DLG2: variants seen among roughly 807,000 people sequenced by gnomAD.
The protein encoded by DLG2 is discs large MAGUK scaffold protein 2, also known as disks large homolog 2.
A neutral mutation model predicts 132.5 loss-of-function variants in DLG2; 45 were observed. The observed-to-expected ratio is 0.34, with a 90% CI of 0.27 to 0.44. The LOEUF (loss-of-function observed/expected upper bound fraction) is 0.44, where lower values mean the gene tolerates loss of function less well. Among genes scored for constraint, DLG2 ranks in the 20% least tolerant of loss-of-function variants. The pLI, the probability that DLG2 is intolerant of heterozygous loss-of-function variation, is 1.00. For synonymous variants in DLG2, 424 were observed against 419.6 expected (o/e 1.01, Z -0.13); for missense variants, 1,045 against 1,196.9 (o/e 0.87, Z 1.87).
intron 3 of DLG2, among the ~76,000 whole-genome samples, chr11:85,520,465 T>C (rs768163535): frequency 7.3e-5 from 11 of 151,508 alleles, no homozygotes; most frequent in South Asian, 2.1e-4. Flanking sequence ...AAAATACCAA[T>C]GGTATTCTTC....
At position 85,062,750 on chromosome 11, in the gene DLG2, C is replaced by T. The variant is rs557412915; in HGVS notation, c.357+48911G>A. 3.3e-5 allele frequency among the ~76,000 whole-genome samples: 5 copies of T among 151,676 alleles called. No homozygotes were observed. The South Asian group carries it at 1.0e-3, about 32-fold the overall frequency. On this transcript the variant is annotated intron_variant, in intron 6 of 27. Transcript: ENST00000376104. ...TAGTAAACTAACTGAAGAGGCAGAT[C>T]TGAAACTAAAATGGGCATTTTGCAT...
intron 15 of DLG2, among the ~76,000 whole-genome samples, chr11:83,918,592 C>A (rs1222250167): frequency 6.6e-6 from 1 of 152,172 alleles, no homozygotes; most frequent in Non-Finnish European, 1.5e-5. Flanking sequence ...TAGAGGCTGA[C>A]TTTATGAGTC....
chr11:84,267,212 G>A (rs917051628), intron 7 of DLG2, among the ~76,000 whole-genome samples: 2 of 133,616 alleles, frequency 1.5e-5, no homozygotes, highest in Admixed American at 1.6e-4. Context: ...TTGGTATTGT[G>A]ATGATTGCGT....
At chr11:84,318,533 T>C (rs867637970) in intron 7 of DLG2, among the ~76,000 whole-genome samples, 2 of 152,194 alleles carry the variant, frequency 1.3e-5, no homozygotes, top group African/African-American at 2.4e-5. Flanking sequence ...GCCTGATTTT[T>C]GCCTGAGCTG....
intron 5 of DLG2, among the ~76,000 whole-genome samples, chr11:85,138,297 T>G (rs1175627867): frequency 6.6e-6 from 1 of 152,098 alleles, no homozygotes; most frequent in Non-Finnish European, 1.5e-5. Context: ...CAATAAAAAT[T>G]GTGTCCCTAA....
At chr11:83,877,427 G>T (rs2065042715) in intron 15 of DLG2, among the ~76,000 whole-genome samples, 1 of 152,104 alleles carries the variant, frequency 6.6e-6, no homozygotes, top group South Asian at 2.1e-4. Context: ...ATAAGTAACT[G>T]TAATTTCTGA....
intron 10 of DLG2, among the ~76,000 whole-genome samples, chr11:84,072,076 AG>A (rs1368884960): frequency 6.6e-6 from 1 of 152,194 alleles, no homozygotes; most frequent in Non-Finnish European, 1.5e-5. Flanking sequence ...ATGCACATAA[AG>A]GCTTCTTATG....
At chr11:83,990,941 C>T (rs1290962383) in intron 11 of DLG2, among the ~76,000 whole-genome samples, 1 of 152,092 alleles carries the variant, frequency 6.6e-6, no homozygotes, top group Non-Finnish European at 1.5e-5. Context: ...CACCCACCCT[C>T]ACAGGCAACT....
At chr11:83,670,687 T>A (rs2076689513) in intron 18 of DLG2, among the ~76,000 whole-genome samples, 1 of 152,076 alleles carries the variant, frequency 6.6e-6, no homozygotes, top group Admixed American at 6.6e-5. Context: ...ACATCATGAA[T>A]GTTTTAATAA....
intron 6 of DLG2, among the ~76,000 whole-genome samples, chr11:85,055,667 T>C (rs2063379112): frequency 6.6e-6 from 1 of 152,192 alleles, no homozygotes; most frequent in Admixed American, 6.5e-5. Flanking sequence ...CTGTTTATTT[T>C]TCTCAAAGCA....
intron 7 of DLG2, among the ~76,000 whole-genome samples, chr11:84,370,952 T>A (rs1220228391): frequency 6.6e-6 from 1 of 152,136 alleles, no homozygotes; most frequent in Non-Finnish European, 1.5e-5. Flanking sequence ...AGGTTATATG[T>A]TGGAGAAATG....
intron 6 of DLG2, among the ~76,000 whole-genome samples, chr11:84,993,829 C>G (rs1592354374): frequency 6.6e-6 from 1 of 152,126 alleles, no homozygotes; most frequent in African/African-American, 2.4e-5. Flanking sequence ...GGACTGTCAG[C>G]TGGACTGGCA....
At chr11:84,589,628 G>A (rs571658733) in intron 6 of DLG2, among the ~76,000 whole-genome samples, 69 of 151,978 alleles carry the variant, frequency 4.5e-4, no homozygotes, top group Non-Finnish European at 8.2e-4. Flanking sequence ...CTTTTGTCTT[G>A]AGTCTTATCA....
At chr11:85,517,940 A>C (rs2094201507) in intron 3 of DLG2, among the ~76,000 whole-genome samples, 1 of 152,172 alleles carries the variant, frequency 6.6e-6, no homozygotes, top group Non-Finnish European at 1.5e-5. Flanking sequence ...TCCCTGCACA[A>C]GTTCTTTTCC....
chr11:85,118,051 T>A (rs187890192), intron 5 of DLG2, among the ~76,000 whole-genome samples: 1 of 152,238 alleles, frequency 6.6e-6, no homozygotes, highest in African/African-American at 2.4e-5. Flanking sequence ...TAGTGTTAAC[T>A]TTTTTCATTC....
chr11:84,483,756 C>A (rs1016898492), intron 7 of DLG2, among the ~76,000 whole-genome samples: 1 of 152,176 alleles, frequency 6.6e-6, no homozygotes, highest in African/African-American at 2.4e-5. Context: ...TTATGTAAAT[C>A]ATCTGAAAGA....
intron 19 of DLG2, among the ~76,000 whole-genome samples, chr11:83,608,798 A>G (rs945699756): frequency 2.6e-5 from 4 of 152,146 alleles, no homozygotes; most frequent in Non-Finnish European, 5.9e-5. Flanking sequence ...CTAATATAAA[A>G]GCTAAAAGCA....
intron 6 of DLG2, among the ~76,000 whole-genome samples, chr11:84,968,724 A>T (rs1312559926): frequency 6.6e-6 from 1 of 152,186 alleles, no homozygotes; most frequent in Non-Finnish European, 1.5e-5. Flanking sequence ...GCAAATTATT[A>T]TAACTTTTGT....
At chr11:84,165,893 G>A (rs980648177) in intron 8 of DLG2, among the ~76,000 whole-genome samples, 2 of 151,846 alleles carry the variant, frequency 1.3e-5, no homozygotes, top group Non-Finnish European at 2.9e-5. Context: ...GTGAGATCCC[G>A]TCTCAAAAAC....
Sources: gnomAD v4.1 joint callset for allele counts (sites outside exome capture counted in the v4.1 genomes callset) on GRCh38, gnomAD v4.1.1 for gene constraint, MANE v1.5 for transcripts, NCBI Gene and HGNC (gene_info 2026-07-23, HGNC 2026-07-21) for gene names.